Variants in AGBL4 observed in about 807,000 individuals in gnomAD.
AGBL4 encodes AGBL carboxypeptidase 4.
Under a neutral mutation model 66.4 loss-of-function variants are expected in AGBL4, and 58 were observed. The ratio of observed to expected loss-of-function variants is 0.87; its 90% CI spans 0.71 to 1.09. The LOEUF (loss-of-function observed/expected upper bound fraction) is 1.09, where lower values mean the gene tolerates loss of function less well. Ranked by LOEUF, AGBL4 falls within the 50% of genes least tolerant of loss-of-function variation. The probability of loss-of-function intolerance (pLI) is 0.00; values close to 1 mark genes in which losing one functional copy is unlikely to be tolerated. For missense variants in AGBL4, 579 were observed against 631.0 expected (o/e 0.92, Z 0.88); for synonymous variants, 234 against 222.9 (o/e 1.05, Z -0.44).
chr1:49,778,925 A>T (rs1644266890), intron 2 of AGBL4, among the ~76,000 whole-genome samples: 1 of 152,210 alleles, frequency 6.6e-6, no homozygotes, highest in Non-Finnish European at 1.5e-5. Context: ...TTCATGTAAC[A>T]AACATGCACA....
intron 4 of AGBL4, among the ~76,000 whole-genome samples, chr1:49,059,083 A>G (rs11205595): frequency 0.57 from 87,018 of 152,114 alleles, 25,337 homozygotes; most frequent in Middle Eastern, 0.62. Flanking sequence ...GCCAAATGTT[A>G]ATCACCAAGA....
intron 3 of AGBL4, among the ~76,000 whole-genome samples, chr1:49,477,956 T>G (rs1350560340): frequency 6.6e-6 from 1 of 151,440 alleles, no homozygotes; most frequent in East Asian, 2.0e-4. Flanking sequence ...ATAGCAGAAC[T>G]GATCAAGCAG....
chr1:49,433,258 A>G (rs916498294), intron 3 of AGBL4, among the ~76,000 whole-genome samples: 2 of 152,200 alleles, frequency 1.3e-5, no homozygotes, highest in Admixed American at 1.3e-4. Context: ...CCCAATTTGT[A>G]GCCAATCAGA....
At chr1:48,826,839 A>T (rs1221274583) in intron 6 of AGBL4, among the ~76,000 whole-genome samples, 1 of 152,160 alleles carries the variant, frequency 6.6e-6, no homozygotes, top group East Asian at 1.9e-4. Context: ...TCTGGCTCCA[A>T]TGTCCTTCCC....
intron 2 of AGBL4, among the ~76,000 whole-genome samples, chr1:49,714,115 G>T (rs1647890194): frequency 6.6e-6 from 1 of 152,026 alleles, no homozygotes; most frequent in South Asian, 2.1e-4. Context: ...CTGAAATACT[G>T]AGAGATTAAA....
At chr1:48,953,952 T>C (rs764104437) in intron 5 of AGBL4, among the ~76,000 whole-genome samples, 5 of 152,114 alleles carry the variant, frequency 3.3e-5, no homozygotes, top group Non-Finnish European at 7.4e-5. Flanking sequence ...AGAAGAAACA[T>C]AAAAAGACAG....
intron 3 of AGBL4, among the ~76,000 whole-genome samples, chr1:49,507,490 T>C (rs1270048569): frequency 6.6e-6 from 1 of 152,024 alleles, no homozygotes; most frequent in Non-Finnish European, 1.5e-5. Context: ...ATTTTCAGTT[T>C]TTAATTTTTT....
At position 49,279,384 on chromosome 1, in the gene AGBL4, T is replaced by C. The variant is rs945270309; in HGVS notation, c.283-33520A>G. ...TAACAATTACAAATCTGTTGAAAAA[T>C]GAGAAAAATCAATTAGAAAAAGGTT... On this transcript the variant is annotated intron_variant, in intron 3 of 13. Coordinates refer to ENST00000371839, the MANE Select transcript of AGBL4 (RefSeq NM_032785.4). Among the ~76,000 whole-genome samples the C allele has an allele frequency of 3.3e-5, 5 of 152,020 alleles. No homozygotes were observed. In the South Asian group the frequency reaches 6.2e-4, roughly 19 times the overall value.
intron 3 of AGBL4, among the ~76,000 whole-genome samples, chr1:49,489,808 C>A (rs1236448385): frequency 6.6e-6 from 1 of 151,326 alleles, no homozygotes; most frequent in African/African-American, 2.4e-5. Flanking sequence ...CCAGTGTATG[C>A]CTTTGTTAAA....
At chr1:49,793,371 C>T (rs1191047029) in intron 2 of AGBL4, among the ~76,000 whole-genome samples, 2 of 152,004 alleles carry the variant, frequency 1.3e-5, no homozygotes, top group African/African-American at 4.8e-5. Flanking sequence ...TGACCATGTT[C>T]CTCCATGTCT....
intron 3 of AGBL4, among the ~76,000 whole-genome samples, chr1:49,447,771 T>C (rs1646191811): frequency 6.6e-6 from 1 of 152,206 alleles, no homozygotes; most frequent in Non-Finnish European, 1.5e-5. Context: ...CTGGCTGATC[T>C]TGGATTCCTC....
chr1:49,213,393 G>A (rs1481806307), intron 4 of AGBL4, among the ~76,000 whole-genome samples: 1 of 152,092 alleles, frequency 6.6e-6, no homozygotes, highest in East Asian at 1.9e-4. Flanking sequence ...GGCCTGGTGG[G>A]AGATGTTTGG....
At chr1:49,780,741 A>T (rs1000888352) in intron 2 of AGBL4, among the ~76,000 whole-genome samples, 1 of 152,182 alleles carries the variant, frequency 6.6e-6, no homozygotes, top group Non-Finnish European at 1.5e-5. Context: ...AAAAAAAGTC[A>T]TTTAAAAAAT....
At position 48,736,235 on chromosome 1, in the gene AGBL4, C is replaced by A. The variant is rs1282420783; in HGVS notation, c.635-72994G>T. 4 of 1,613,330 alleles carry A rather than the reference C, an allele frequency of 2.5e-6. No individual in the cohort carries two copies. Among genetic ancestry groups the A allele is most frequent in the Non-Finnish European group, 3.4e-6 (4 of 1,179,268 alleles). On this transcript the variant is annotated intron_variant, in intron 6 of 13. Transcript: ENST00000371839. This position sits in a 1 kb window ranked among gnomAD's most constrained non-coding sequence, Gnocchi z 4.0. ...AGCCATTGTGTTTCCACTCAGTGACCTACCTCTGACGATGCTTAGTTTGTG... is the reference window on the plus strand; with the variant it reads ...AGCCATTGTGTTTCCACTCAGTGACATACCTCTGACGATGCTTAGTTTGTG...
chr1:49,879,508 T>C (rs1647146180), intron 1 of AGBL4, among the ~76,000 whole-genome samples: 2 of 148,012 alleles, frequency 1.4e-5, no homozygotes, highest in South Asian at 2.2e-4. Flanking sequence ...TTCTGGCTTG[T>C]AGGGTTTCTG....
chr1:49,546,125 T>A (rs1389531126), intron 3 of AGBL4, among the ~76,000 whole-genome samples: 1 of 152,098 alleles, frequency 6.6e-6, no homozygotes, highest in Non-Finnish European at 1.5e-5. Context: ...TGAGAACATA[T>A]GATGTTTGGT....
At chr1:49,458,479 A>G (rs918222644) in intron 3 of AGBL4, among the ~76,000 whole-genome samples, 3 of 151,630 alleles carry the variant, frequency 2.0e-5, no homozygotes, top group African/African-American at 4.8e-5. Context: ...TTCTAGGTAT[A>G]CAATCATATT....
intron 3 of AGBL4, among the ~76,000 whole-genome samples, chr1:49,537,131 T>C (rs1483957950): frequency 6.6e-6 from 1 of 152,072 alleles, no homozygotes; most frequent in African/African-American, 2.4e-5. Flanking sequence ...TCTCACCGTA[T>C]ATAAAAATAA....
chr1:49,822,534 G>A (rs145952103), intron 2 of AGBL4, among the ~76,000 whole-genome samples: 19 of 152,218 alleles, frequency 1.2e-4, no homozygotes, highest in African/African-American at 4.3e-4. Flanking sequence ...ATGTCAGTCA[G>A]GCTGGTCTTG....
Sources: gnomAD v4.1 joint callset for allele counts (sites outside exome capture counted in the v4.1 genomes callset) on GRCh38, gnomAD v4.1.1 for gene constraint, Gnocchi (gnomAD v3.1) non-coding constraint, MANE v1.5 for transcripts, NCBI Gene and HGNC (gene_info 2026-07-23, HGNC 2026-07-21) for gene names.